The following PTPN22 variants were observed in gnomAD, a reference collection of about 807,000 sequenced individuals.
PTPN22 encodes the protein tyrosine-protein phosphatase non-receptor type 22.
In PTPN22, 85 loss-of-function variants were observed where a neutral mutation model predicts 103.3. The ratio of observed to expected loss-of-function variants is 0.82; its 90% CI spans 0.69 to 0.99. The LOEUF (loss-of-function observed/expected upper bound fraction) is 0.99, where lower values mean the gene tolerates loss of function less well. Ranked by LOEUF, PTPN22 falls within the 50% of genes least tolerant of loss-of-function variation. PTPN22 has a pLI of 0.00. For synonymous variants in PTPN22, 323 were observed against 310.2 expected, an observed-to-expected ratio of 1.04 and a Z score of -0.43; for missense variants, 865 against 936.9, an observed-to-expected ratio of 0.92 and a Z score of 1.00.
chr1:113,819,948 T>C (rs534386069), intron 19 of PTPN22: 2 of 190,896 alleles, frequency 1.0e-5, no homozygotes, highest in African/African-American at 4.7e-5. Context: ...AATCAGCATT[T>C]TTTTGTTTTT....
chr1:113,850,203 AG>A, intron 10 of PTPN22, among the ~76,000 whole-genome samples: 2 of 13,138 alleles, frequency 1.5e-4, no homozygotes, highest in Admixed American at 6.7e-4. Flanking sequence ...TCTCAAAAGA[AG>A]GAAGGAAGGA....
At chr1:113,828,314 GTCATTCACAC>G (rs1220802750) in intron 18 of PTPN22, among the ~76,000 whole-genome samples, 1 of 152,000 alleles carries the variant, frequency 6.6e-6, no homozygotes, top group African/African-American at 2.4e-5. Context: ...AGTTATAAAG[GTCATTCACAC>G]TCCCAGGTTG....
intron 1 of PTPN22, 39 bp downstream of exon 1, chr1:113,871,498 G>GT (rs1419972250): frequency 1.3e-6 from 2 of 1,549,502 alleles, no homozygotes; most frequent in African/African-American, 1.4e-5. Context: ...GTTAAATAGT[G>GT]TATGTAACTA....
chr1:113,861,623 C>G (rs915896085), intron 1 of PTPN22, among the ~76,000 whole-genome samples: 9 of 151,968 alleles, frequency 5.9e-5, no homozygotes, highest in Non-Finnish European at 8.8e-5. Context: ...AAGTGATCCC[C>G]CCACCTCGGC....
Position 113,845,451 on chromosome 1 carries a change from T to C in PTPN22, c.915+3089A>G, listed in dbSNP as rs373825667. Among the ~76,000 whole-genome samples, 14 of 152,064 alleles carry C rather than the reference T, an allele frequency of 9.2e-5. No homozygotes were observed. In the East Asian group the frequency reaches 1.7e-3, roughly 19 times the overall value. On this transcript the variant is annotated intron_variant, in intron 11 of 20. Coordinates refer to ENST00000359785, the Ensembl canonical transcript of PTPN22. ...TTCCTGACCTCATGTGATCCGTCTG[T>C]CTTGGCCTCCCAAAGTGCTGGGATT...
At chr1:113,836,083 A>G (rs1022555478) in intron 13 of PTPN22, among the ~76,000 whole-genome samples, 6 of 151,568 alleles carry the variant, frequency 4.0e-5, no homozygotes, top group Non-Finnish European at 8.9e-5. Flanking sequence ...TTAGATCCAG[A>G]TAAGATATTT....
chr1:113,818,587 C>T (rs1661347415), intron 20 of PTPN22, among the ~76,000 whole-genome samples: 2 of 152,192 alleles, frequency 1.3e-5, no homozygotes, highest in Admixed American at 6.5e-5. Context: ...TTAACTTAGG[C>T]GTGGCAGAGA....
At chr1:113,818,076 C>A (rs538752576) in intron 20 of PTPN22, among the ~76,000 whole-genome samples, 2 of 151,958 alleles carry the variant, frequency 1.3e-5, no homozygotes, top group Non-Finnish European at 2.9e-5. Flanking sequence ...AGGCATGAAC[C>A]ACCTGGCTTG....
At chr1:113,856,810 A>G (rs1665124435) in intron 5 of PTPN22, 191 bp from the exon 6 acceptor site, 1 of 664,914 alleles carries the variant, frequency 1.5e-6, no homozygotes, top group African/African-American at 1.8e-5. Context: ...TATATAAATT[A>G]CAGACTTCCT....
At chr1:113,858,635 T>A in intron 3 of PTPN22, 62 bp from the exon 4 acceptor site, 10 of 947,824 alleles carry the variant, frequency 1.1e-5, no homozygotes, top group African/African-American at 1.7e-5. Context: ...CACCTAGTCC[T>A]CCGCTTCCTT....
In PTPN22 at chr1:113,837,901, G is replaced by C. The variant is rs770879173; in HGVS notation, c.1499C>G (p.Ser500Ter). ...TTGGTGTTTAGAGTCATATGGCAGT[G>C]AATAATTCAGTTCTGCTGAAGAAAC... The change falls in exon 13 of 21, where the codon TCA (serine) becomes TGA (stop). Residue 500 changes from serine (S) to a stop codon, truncating the protein, a stop_gained. Transcript: ENST00000359785. LOFTEE classifies it high-confidence loss of function. 8.1e-6 allele frequency: 13 copies of C among 1,614,090 alleles called. No individual in the cohort carries two copies. The highest frequency in any genetic ancestry group is 1.1e-5 in the Non-Finnish European group (13 of 1,180,010).
At chr1:113,847,761 T>C (rs1664224700) in intron 11 of PTPN22, among the ~76,000 whole-genome samples, 1 of 151,874 alleles carries the variant, frequency 6.6e-6, no homozygotes, top group Non-Finnish European at 1.5e-5. Flanking sequence ...GTATTTTTAG[T>C]AGAGATGGGG....
At chr1:113,823,472 A>G (rs767568894) in intron 19 of PTPN22, 4 of 152,254 alleles carry the variant, frequency 2.6e-5, no homozygotes, top group Non-Finnish European at 5.9e-5. Context: ...GATGTTCTTC[A>G]TTTAACGGCA....
At chr1:113,868,250 G>C (rs750784863) in intron 1 of PTPN22, among the ~76,000 whole-genome samples, 23 of 152,130 alleles carry the variant, frequency 1.5e-4, no homozygotes, top group Non-Finnish European at 5.9e-5. Flanking sequence ...AGAGGGTAAA[G>C]GGGTTAGGAT....
chr1:113,871,327 C>G (rs1437863012), intron 1 of PTPN22, among the ~76,000 whole-genome samples: 1 of 152,082 alleles, frequency 6.6e-6, no homozygotes, highest in Non-Finnish European at 1.5e-5. Context: ...AAAGAACTAG[C>G]AAACAAAATA....
chr1:113,866,324 A>G (rs1666112843), intron 1 of PTPN22, among the ~76,000 whole-genome samples: 1 of 152,194 alleles, frequency 6.6e-6, no homozygotes, highest in Non-Finnish European at 1.5e-5. Context: ...CATCCTGGCC[A>G]ACATGATGAA....
At chr1:113,814,835 C>G in exon 21 of PTPN22, 2 of 1,146,028 alleles carry the variant, frequency 1.7e-6, no homozygotes, top group South Asian at 2.5e-5. Flanking sequence ...CTTATTTTAA[C>G]TAGCAGTATT....
chr1:113,819,606 G>GA lies in PTPN22; in HGVS notation c.2329dup (p.Ser777PhefsTer3), dbSNP rs751973817. 5.6e-6 allele frequency: 9 copies of GA among 1,607,910 alleles called. No homozygotes were observed. The Admixed American group carries it at 1.0e-4, about 18-fold the overall frequency. On this transcript the variant is annotated frameshift_variant, in exon 20 of 21. Coordinates refer to ENST00000359785, the Ensembl canonical transcript of PTPN22. LOFTEE classifies it high-confidence loss of function. ...ATTCAGAAATGAGCTGGAGTTATTT[G>GA]ACTGAACAGATTCTGCAGGCTTGTT...
intron 3 of PTPN22, 78 bp downstream of exon 3, chr1:113,858,924 C>A: frequency 6.5e-7 from 1 of 1,537,900 alleles, no homozygotes; most frequent in South Asian, 1.2e-5. Flanking sequence ...CAGGCATGAG[C>A]CACTGAGTCC....
Sources: allele counts gnomAD v4.1 joint callset (sites outside exome capture counted in the v4.1 genomes callset), GRCh38; gene constraint gnomAD v4.1.1; transcripts MANE v1.5; gene names NCBI Gene and HGNC (gene_info 2026-07-23, HGNC 2026-07-21).